Variants in TFEC observed in about 807,000 individuals in gnomAD.
TFEC encodes the protein transcription factor EC, also known as class E basic helix-loop-helix protein 34.
TFEC carries 31 observed loss-of-function variants against 41.6 expected under a neutral mutation model. The observed-to-expected ratio is 0.74, with a 90% CI of 0.56 to 1.01. TFEC has a LOEUF of 1.01. Among genes scored for constraint, TFEC ranks in the 50% least tolerant of loss-of-function variants. The pLI is 0.00. For missense variants in TFEC, 402 were observed against 404.1 expected, an observed-to-expected ratio of 0.99 and a Z score of 0.04; for synonymous variants, 143 against 140.6, an observed-to-expected ratio of 1.02 and a Z score of -0.12.
Position 115,936,815 on chromosome 7 carries a change from A to G in TFEC, c.*3736T>C, listed in dbSNP as rs1793248762. 1 of 151,570 alleles carries G rather than the reference A, an allele frequency of 6.6e-6. No homozygotes were observed. The highest frequency in any genetic ancestry group is 1.5e-5 in the Non-Finnish European group (1 of 67,660). The allele number at this position is 151,570 out of a possible 1,614,324, so 9.4% of individuals were successfully genotyped here. On this transcript the variant is annotated 3_prime_UTR_variant, in exon 8 of 8. Coordinates refer to ENST00000265440, the MANE Select transcript of TFEC (RefSeq NM_012252.4). The stretch of plus-strand genomic sequence containing the variant: ...TTACAGTCATGTAGGTGGGAAAAAA[A>G]TGAGTTGAAAAAGGAAGAGGAAGGC...
intron 3 of TFEC, among the ~76,000 whole-genome samples, chr7:116,104,590 A>C (rs1797674661): frequency 6.6e-6 from 1 of 152,138 alleles, no homozygotes; most frequent in African/African-American, 2.4e-5. Context: ...TTCTTATTTG[A>C]AAAACATTTT....
chr7:116,003,487 A>T (rs1455002465), intron 1 of TFEC, among the ~76,000 whole-genome samples: 4 of 152,122 alleles, frequency 2.6e-5, no homozygotes, highest in Non-Finnish European at 2.9e-5. Context: ...AAAACACATG[A>T]TCCAAAAACA....
At chr7:116,016,314 A>C (rs1795188366) in intron 1 of TFEC, among the ~76,000 whole-genome samples, 1 of 152,196 alleles carries the variant, frequency 6.6e-6, no homozygotes, top group South Asian at 2.1e-4. Context: ...GTGAACTGTC[A>C]GTGAGGAGAC....
intron 1 of TFEC, among the ~76,000 whole-genome samples, chr7:115,991,878 C>T (rs901034984): frequency 6.6e-6 from 1 of 152,204 alleles, no homozygotes; most frequent in African/African-American, 2.4e-5. Context: ...CTACAGAACT[C>T]TCCACCTTAA....
chr7:115,949,265 C>T (rs886987586), intron 6 of TFEC, among the ~76,000 whole-genome samples: 1 of 151,938 alleles, frequency 6.6e-6, no homozygotes, highest in African/African-American at 2.4e-5. Context: ...GTGAAAATGG[C>T]CATACTGCCC....
intron 3 of TFEC, among the ~76,000 whole-genome samples, chr7:116,094,494 TATG>T (rs1335693269): frequency 6.6e-6 from 1 of 151,782 alleles, no homozygotes; most frequent in Non-Finnish European, 1.5e-5. Context: ...TCCTGGCTAA[TATG>T]ATGAAATCCC....
In TFEC at chr7:115,935,768, CAA is replaced by C. The variant is rs1793200383; in HGVS notation, c.*4781_*4782del. The C allele has an allele frequency of 6.6e-6, 1 of 151,422 alleles. No individual in the cohort carries two copies. Among genetic ancestry groups the C allele is most frequent in the Non-Finnish European group, 1.5e-5 (1 of 67,520 alleles). 9.4% of individuals were successfully genotyped at this position (151,422 alleles called of 1,614,324 possible). Reference sequence around the variant, plus strand: ...GATAAAAGAGGTAGTATTACAAACACAAAAGTCTTTACTGTTATTCTTTATGC... The same window carrying C: ...GATAAAAGAGGTAGTATTACAAACACAAGTCTTTACTGTTATTCTTTATGC... On this transcript the variant is annotated 3_prime_UTR_variant, in exon 8 of 8. Coordinates refer to ENST00000265440, the MANE Select transcript of TFEC (RefSeq NM_012252.4).
chr7:116,051,758 A>G (rs2130957954), intron 3 of TFEC, among the ~76,000 whole-genome samples: 2 of 152,260 alleles, frequency 1.3e-5, no homozygotes, highest in South Asian at 4.1e-4. Context: ...CATTTATTGA[A>G]TATTTATATC....
chr7:115,982,970 C>T (rs1313283116), intron 2 of TFEC, among the ~76,000 whole-genome samples: 1 of 152,074 alleles, frequency 6.6e-6, no homozygotes, highest in African/African-American at 2.4e-5. Context: ...AATTAACTGG[C>T]ATATGCATAT....
At chr7:116,038,383 G>T (rs995248581) in intron 3 of TFEC, among the ~76,000 whole-genome samples, 3 of 151,766 alleles carry the variant, frequency 2.0e-5, no homozygotes, top group Non-Finnish European at 4.4e-5. Flanking sequence ...ACTATTTTTA[G>T]AAAACATTCT....
intron 3 of TFEC, among the ~76,000 whole-genome samples, chr7:116,110,501 A>G (rs1797829061): frequency 6.6e-6 from 1 of 152,118 alleles, no homozygotes; most frequent in East Asian, 1.9e-4. Context: ...TGTTGCATTA[A>G]TACTTCCATG....
rs1344283323 is a variant in TFEC at position 115,939,514 on chromosome 7, T to C, written c.*1037A>G. Reference sequence around the variant, plus strand: ...TTTGTTGTAATAATTATTTTGTCAATTGGCAATTCAATTTTCAATATTTTA... The same window carrying C: ...TTTGTTGTAATAATTATTTTGTCAACTGGCAATTCAATTTTCAATATTTTA... On this transcript the variant is annotated 3_prime_UTR_variant, in exon 8 of 8. Coordinates refer to ENST00000265440, the MANE Select transcript of TFEC (RefSeq NM_012252.4). 2.0e-5 allele frequency: 3 copies of C among 152,058 alleles called. No individual in the cohort carries two copies. The highest frequency in any genetic ancestry group is 2.1e-4 in the South Asian group (1 of 4,828). 9.4% of individuals were successfully genotyped at this position (152,058 alleles called of 1,614,324 possible).
intron 2 of TFEC, among the ~76,000 whole-genome samples, chr7:116,111,483 A>G (rs1797854387): frequency 6.6e-6 from 1 of 152,082 alleles, no homozygotes; most frequent in Non-Finnish European, 1.5e-5. Context: ...TTGTATCCTC[A>G]TTAAATGAGA....
chr7:116,113,580 G>A (rs1274359320), intron 1 of TFEC, among the ~76,000 whole-genome samples: 2 of 151,992 alleles, frequency 1.3e-5, no homozygotes, highest in African/African-American at 4.8e-5. Context: ...CTATAAAAAG[G>A]AGTCAGTGAT....
At chr7:115,992,477 A>G (rs1794166565) in intron 1 of TFEC, among the ~76,000 whole-genome samples, 1 of 152,224 alleles carries the variant, frequency 6.6e-6, no homozygotes, top group Non-Finnish European at 1.5e-5. Flanking sequence ...GTTACAGAAG[A>G]AAAGACAGAA....
chr7:116,051,219 C>T (rs1231222053), intron 3 of TFEC, among the ~76,000 whole-genome samples: 2 of 152,178 alleles, frequency 1.3e-5, no homozygotes, highest in Non-Finnish European at 2.9e-5. Flanking sequence ...ACGAGTGCAG[C>T]ACACCAACAT....
At chr7:116,053,883 TACA>T (rs1371772449) in intron 3 of TFEC, among the ~76,000 whole-genome samples, 18 of 152,228 alleles carry the variant, frequency 1.2e-4, no homozygotes, top group Non-Finnish European at 2.4e-4. Flanking sequence ...AACAGACTAA[TACA>T]AATGCATACT....
intron 3 of TFEC, among the ~76,000 whole-genome samples, chr7:116,087,671 AG>A (rs2131077699): frequency 6.6e-6 from 1 of 152,202 alleles, no homozygotes; most frequent in East Asian, 1.9e-4. Context: ...CAATGGTTTC[AG>A]GGATAAGGGA....
intron 1 of TFEC, among the ~76,000 whole-genome samples, chr7:116,134,170 ATAAAAT>A (rs767165918): frequency 1.3e-5 from 2 of 152,214 alleles, no homozygotes; most frequent in Non-Finnish European, 2.9e-5. Flanking sequence ...ATTAAAAGAA[ATAAAAT>A]TAATATAAAA....
Sources: allele counts gnomAD v4.1 joint callset (sites outside exome capture counted in the v4.1 genomes callset), GRCh38; gene constraint gnomAD v4.1.1; transcripts MANE v1.5; gene names NCBI Gene and HGNC (gene_info 2026-07-23, HGNC 2026-07-21).